The following SEPTIN5 variants were observed in gnomAD, a reference collection of about 807,000 sequenced individuals.
The protein encoded by SEPTIN5 is septin 5.
SEPTIN5 carries 16 observed loss-of-function variants against 51.2 expected under a neutral mutation model. The ratio of observed to expected loss-of-function variants is 0.31; its 90% CI spans 0.21 to 0.47. The LOEUF is 0.47. Ranked by LOEUF, SEPTIN5 falls within the 20% of genes least tolerant of loss-of-function variation. SEPTIN5 has a pLI of 0.99. For synonymous variants in SEPTIN5, 208 were observed against 191.2 expected, an observed-to-expected ratio of 1.09 and a Z score of -0.72; for missense variants, 376 against 500.3, an observed-to-expected ratio of 0.75 and a Z score of 2.37.
intron 4 of SEPTIN5, 52 bp from the exon 5 acceptor site, chr22:19,720,063 G>T: frequency 1.2e-6 from 2 of 1,611,234 alleles, no homozygotes; most frequent in South Asian, 1.1e-5. Context: ...TGGCTGCCAA[G>T]GGTGAGGGGC....
intron 2 of SEPTIN5, chr22:19,719,354 TAC>T (rs1935977702): frequency 2.0e-6 from 1 of 496,944 alleles, no homozygotes; most frequent in Non-Finnish European, 3.6e-6. Context: ...ACGGAATAAA[TAC>T]AGTGTCGGTC....
intron 10 of SEPTIN5, 115 bp downstream of exon 10, chr22:19,722,072 C>CG: frequency 8.5e-7 from 1 of 1,171,026 alleles, no homozygotes; most frequent in Non-Finnish European, 1.2e-6. Context: ...ATTCCCTAAG[C>CG]CCCCCCCCTC....
chr22:19,721,094 G>A (rs558567537), intron 8 of SEPTIN5, among the ~76,000 whole-genome samples: 43 of 152,210 alleles, frequency 2.8e-4, no homozygotes, highest in Non-Finnish European at 5.1e-4. Flanking sequence ...TGTGGGCCCC[G>A]TGTGGTGCTT....
chr22:19,722,225 C>T lies in SEPTIN5; in HGVS notation c.951-12C>T, dbSNP rs554882435. On this transcript the variant is annotated splice_polypyrimidine_tract_variant and intron_variant, in intron 10 of 11. Coordinates refer to ENST00000455784, the MANE Select transcript of SEPTIN5 (RefSeq NM_002688.6). Reference sequence around the variant, plus strand: ...GCGCCGCCCCGCCCATCCTCCCCCCCGCCCCGCGCAGCAAACTGACCCAGG... The same window carrying T: ...GCGCCGCCCCGCCCATCCTCCCCCCTGCCCCGCGCAGCAAACTGACCCAGG... 3.3e-5 allele frequency: 51 copies of T among 1,567,842 alleles called. No individual in the cohort carries two copies. The highest frequency in any genetic ancestry group is 2.2e-4 in the African/African-American group (16 of 73,950).
chr22:19,721,519 T>C, intron 8 of SEPTIN5, 121 bp from the exon 9 acceptor site: 1 of 1,060,562 alleles, frequency 9.4e-7, no homozygotes, highest in Non-Finnish European at 1.4e-6. Flanking sequence ...CAGGATCTCT[T>C]TGAGGAGAGA....
rs1362884184 is a variant in SEPTIN5, at chr22:19,719,705, G to C, written c.151+7G>C. The C allele has an allele frequency of 6.2e-7, 1 of 1,612,782 alleles. No homozygotes were observed. Among genetic ancestry groups the C allele is most frequent in the East Asian group, 2.2e-5 (1 of 44,884 alleles). On this transcript the variant is annotated splice_region_variant and intron_variant, in intron 3 of 11. Transcript: ENST00000455784. ...TTCACACTCATGGTGGCTGGTGAGT[G>C]GGCCAGGCTCCTCGGGGGAGTGGCT...
rs755896485 is a variant in SEPTIN5 at position 19,719,558 on chromosome 22, TGGAGAAAC to T, written c.55-43_55-36del. 22 of 1,520,084 alleles carry T rather than the reference TGGAGAAAC, an allele frequency of 1.4e-5. No individual in the cohort carries two copies. The Admixed American group carries it at 3.8e-4, about 26-fold the overall frequency. The allele number at this position is 1,520,084 out of a possible 1,614,324, so 94.2% of individuals were successfully genotyped here. The stretch of plus-strand genomic sequence containing the variant: ...GGTAAGAGACAGGGTATTGGGCTTC[TGGAGAAAC>T]CTTTGTGTCCCTACCCTGTTCCATC... On this transcript the variant is annotated intron_variant, in intron 2 of 11. Transcript: ENST00000455784.
chr22:19,720,876 A>G lies in SEPTIN5; in HGVS notation c.717+7A>G. The G allele has an allele frequency of 6.2e-7, 1 of 1,611,974 alleles. No homozygotes were observed. The highest frequency in any genetic ancestry group is 8.5e-7 in the Non-Finnish European group (1 of 1,178,418). ...GCAGGACCGGGAACTGAAGGTGAAC[A>G]TGCAGACTGGTGGGGCAGGGGGGAT... On this transcript the variant is annotated splice_region_variant and intron_variant, in intron 8 of 11. Transcript: ENST00000455784.
Position 19,722,613 on chromosome 22 carries a change from C to T in SEPTIN5, c.*129C>T, listed in dbSNP as rs73377942. The T allele has an allele frequency of 3.4e-3, 3,275 of 956,956 alleles. 56 individuals carry two copies. In the African/African-American group the frequency reaches 0.042, roughly 12 times the overall value. 59.3% of individuals were successfully genotyped at this position (956,956 alleles called of 1,614,324 possible). A position where few individuals can be genotyped will look rare whatever the true frequency, so the allele number is the denominator to read the frequency against. ...GACCCTAATTTATTCTCAGCACCAC[C>T]CCCTCCCAGGTCATTGTGTCTGTTT... On this transcript the variant is annotated 3_prime_UTR_variant, in exon 12 of 12. Coordinates refer to ENST00000455784, the MANE Select transcript of SEPTIN5 (RefSeq NM_002688.6).
chr22:19,719,948 T>C, intron 4 of SEPTIN5, 56 bp downstream of exon 4: 1 of 1,599,154 alleles, frequency 6.3e-7, no homozygotes, highest in Non-Finnish European at 8.6e-7. Flanking sequence ...CCATGGGACC[T>C]CTCCAAGGAC....
In SEPTIN5 at chr22:19,722,640, CG is replaced by C; in HGVS notation, c.*157del. 1.2e-6 allele frequency: 1 copy of C among 836,494 alleles called. No individual in the cohort carries two copies. Among genetic ancestry groups the C allele is most frequent in the Non-Finnish European group, 1.9e-6 (1 of 532,500 alleles). 51.8% of individuals were successfully genotyped at this position (836,494 alleles called of 1,614,324 possible). A position where few individuals can be genotyped will look rare whatever the true frequency, so the allele number is the denominator to read the frequency against. On this transcript the variant is annotated 3_prime_UTR_variant, in exon 12 of 12. Coordinates refer to ENST00000455784, the MANE Select transcript of SEPTIN5 (RefSeq NM_002688.6). Reference sequence around the variant, plus strand: ...CCTCCCAGGTCATTGTGTCTGTTTCCGAGGGGCCTGGACCGTAGCCCCCGCC... The same window carrying C: ...CCTCCCAGGTCATTGTGTCTGTTTCCAGGGGCCTGGACCGTAGCCCCCGCC...
chr22:19,718,967 G>C (rs1601240345), intron 2 of SEPTIN5: 3 of 787,252 alleles, frequency 3.8e-6, no homozygotes, highest in Non-Finnish European at 5.1e-6. Context: ...GCGGCCCCAC[G>C]GTGGGGCGAC....
In SEPTIN5 at chr22:19,719,825, G is replaced by A; in HGVS notation, c.171G>A (p.Lys57=). The A allele has an allele frequency of 6.2e-7, 1 of 1,613,086 alleles. No homozygotes were observed. The highest frequency in any genetic ancestry group is 8.5e-7 in the Non-Finnish European group (1 of 1,179,956). ...GTGCAGGTGAGTCAGGCCTGGGGAA[G>A]TCCACACTGGTCCACAGCCTCTTCC... ...LMVAGESGLG[K]STLVHSLFLT... is the part of the protein sequence containing the mutation. The change falls in exon 4 of 12, where the codon AAG becomes AAA. Residue 57 remains lysine, a synonymous_variant. Transcript: ENST00000455784.
At chr22:19,719,135 G>C (rs1037335007) in intron 2 of SEPTIN5, 5 of 253,476 alleles carry the variant, frequency 2.0e-5, no homozygotes. Flanking sequence ...GCGCTGCTCC[G>C]CCACCGCCGC....
chr22:19,716,316 G>T (rs1229437846), intron 2 of SEPTIN5, among the ~76,000 whole-genome samples: 1 of 152,242 alleles, frequency 6.6e-6, no homozygotes, highest in Admixed American at 6.5e-5. Context: ...CTGAGCCTCA[G>T]CCTGTCCAAG....
chr22:19,722,588 G>T lies in SEPTIN5; in HGVS notation c.*104G>T. 1 of 1,248,924 alleles carries T rather than the reference G, an allele frequency of 8.0e-7. No homozygotes were observed. The allele number at this position is 1,248,924 out of a possible 1,614,324, so 77.4% of individuals were successfully genotyped here. On this transcript the variant is annotated 3_prime_UTR_variant, in exon 12 of 12. Transcript: ENST00000455784. ...AGACGCGGGGCCACAGCCCCCAGCTGACCCTAATTTATTCTCAGCACCACC... is the reference window on the plus strand; with the variant it reads ...AGACGCGGGGCCACAGCCCCCAGCTTACCCTAATTTATTCTCAGCACCACC...
intron 2 of SEPTIN5, chr22:19,719,063 T>C: frequency 2.6e-6 from 1 of 377,894 alleles, no homozygotes; most frequent in Non-Finnish European, 4.5e-6. Context: ...CCCAAGGGTC[T>C]GCGGGGGCTG....
At chr22:19,718,456 T>C (rs1935951357) in intron 2 of SEPTIN5, 2 of 1,121,228 alleles carry the variant, frequency 1.8e-6, no homozygotes, top group East Asian at 8.8e-5. Flanking sequence ...ACGCCCCGCC[T>C]CTGGCTCGGG....
rs766849925 is a variant in SEPTIN5 at position 19,720,636 on chromosome 22, C to T, written c.585C>T (p.Val195=). 5.0e-6 allele frequency: 8 copies of T among 1,612,948 alleles called. No homozygotes were observed. Among genetic ancestry groups the T allele is most frequent in the African/African-American group, 1.3e-5 (1 of 75,048 alleles). Residue 195 remains valine (V), a synonymous_variant, in exon 7 of 12, where the codon GTC becomes GTT. Coordinates refer to ENST00000455784, the MANE Select transcript of SEPTIN5 (RefSeq NM_002688.6). ...VPLIAKADCL[V]PSEIRKLKER... The stretch of plus-strand genomic sequence containing the variant: ...TCATCGCCAAAGCTGACTGTCTTGT[C>T]CCCAGTGAGATCCGGAAGCTGAAGG...
Sources: gnomAD v4.1 joint callset for allele counts (sites outside exome capture counted in the v4.1 genomes callset) on GRCh38, gnomAD v4.1.1 for gene constraint, MANE v1.5 for transcripts, NCBI Gene and HGNC (gene_info 2026-07-23, HGNC 2026-07-21) for gene names.